Variants in C8orf76 observed in about 807,000 individuals in gnomAD.
The protein encoded by C8orf76 is chromosome 8 open reading frame 76.
In C8orf76, 46 loss-of-function variants were observed where a neutral mutation model predicts 38.1. The ratio of observed to expected loss-of-function variants is 1.21; its 90% confidence interval spans 0.95 to 1.54. The LOEUF is 1.54. Ranked by LOEUF, C8orf76 falls within the 40% of genes most tolerant of loss-of-function variation. The probability of loss-of-function intolerance (pLI) is 0.00; values close to 1 mark genes in which losing one functional copy is unlikely to be tolerated. For missense variants in C8orf76, 461 were observed against 441.6 expected (o/e 1.04, Z -0.39); for synonymous variants, 166 against 167.5 (o/e 0.99, Z 0.07).
intron 4 of C8orf76, among the ~76,000 whole-genome samples, chr8:123,227,152 C>T (rs1031602135): frequency 6.6e-6 from 1 of 152,162 alleles, no homozygotes. Flanking sequence ...TCTTTGATGA[C>T]CCTCTGACAA....
intron 5 of C8orf76, among the ~76,000 whole-genome samples, chr8:123,225,161 T>C (rs910162619): frequency 6.6e-6 from 1 of 152,062 alleles, no homozygotes; most frequent in Non-Finnish European, 1.5e-5. Context: ...GCCTGCCACC[T>C]CAACCGGCTA....
In C8orf76 at chr8:123,231,389, C is replaced by G. The variant is rs757911549; in HGVS notation, c.726G>C (p.Leu242=). The part of the protein sequence containing the change: ...SSNSQKNEKA[L]TNIQNCMAEK... ...CTGCCATACAGTTTTGGATATTTGT[C>G]AGAGCTTTCTCATTTTTCTGGCTAT... Residue 242 remains leucine, a synonymous_variant, in exon 4 of 6, where the codon CTG becomes CTC. Coordinates refer to ENST00000276704, the MANE Select transcript of C8orf76 (RefSeq NM_032847.3). The G allele has an allele frequency of 1.9e-6, 3 of 1,614,186 alleles. No homozygotes were observed. The South Asian group carries it at 3.3e-5, about 18-fold the overall frequency.
chr8:123,222,865 A>G (rs370139403), intron 5 of C8orf76, among the ~76,000 whole-genome samples: 133 of 152,350 alleles, frequency 8.7e-4, no homozygotes, highest in African/African-American at 3.1e-3. Flanking sequence ...GGATCAGGGT[A>G]GAAAAAACAA....
chr8:123,231,754 T>C lies in C8orf76; in HGVS notation c.361A>G (p.Asn121Asp). 3 of 1,561,486 alleles carry C rather than the reference T, an allele frequency of 1.9e-6. No homozygotes were observed. The highest frequency in any genetic ancestry group is 2.6e-6 in the Non-Finnish European group (3 of 1,163,582). The change falls in exon 4 of 6, where the codon AAT becomes GAT. Residue 121 changes from asparagine (N) to aspartate (D), a missense_variant. By Grantham distance (23) the Asn-to-Asp change is conservative. Transcript: ENST00000276704. ...EALEIAANLE[N>D]KATNTDHLTT... ...AAATGGTCTGTGTTGGTTGCTTTAT[T>C]TTCCTAAGGAGAAAAAAAAAAGGTT...
At chr8:123,230,937 C>T (rs1825239699) in intron 4 of C8orf76, among the ~76,000 whole-genome samples, 1 of 152,136 alleles carries the variant, frequency 6.6e-6, no homozygotes, top group African/African-American at 2.4e-5. Context: ...CGTGAGCCAC[C>T]GCGCCCGGCC....
chr8:123,237,959 A>C lies in C8orf76; in HGVS notation c.214-18T>G, dbSNP rs1825556381. 1.9e-6 allele frequency: 3 copies of C among 1,600,102 alleles called. No individual in the cohort carries two copies. The highest frequency in any genetic ancestry group is 1.7e-6 in the Non-Finnish European group (2 of 1,174,486). ...AGTGCTTTCTGGAAATTATTTGTTA[A>C]ATAAAGAAATGAAAGGAGGAAAACA... On this transcript the variant is annotated intron_variant, in intron 2 of 5. Transcript: ENST00000276704.
intron 3 of C8orf76, among the ~76,000 whole-genome samples, chr8:123,236,175 G>C (rs191418876): frequency 6.6e-6 from 1 of 152,298 alleles, no homozygotes; most frequent in Admixed American, 6.5e-5. Flanking sequence ...GCAAACAAAG[G>C]TTAGGGATTT....
intron 4 of C8orf76, among the ~76,000 whole-genome samples, chr8:123,230,334 T>C (rs913442060): frequency 2.6e-5 from 4 of 152,236 alleles, no homozygotes; most frequent in Non-Finnish European, 5.9e-5. Flanking sequence ...CAAGAGCTAA[T>C]TTTCTTCTTT....
In C8orf76 at chr8:123,236,938, C is replaced by T. The variant is rs185320402; in HGVS notation, c.357+860G>A. 2,704 of 1,474,286 alleles carry T rather than the reference C, an allele frequency of 1.8e-3. 9 individuals are homozygous for T. The highest frequency in any genetic ancestry group is 2.1e-3 in the Non-Finnish European group (2,183 of 1,055,576). 91.3% of individuals were successfully genotyped at this position (1,474,286 alleles called of 1,614,324 possible). On this transcript the variant is annotated intron_variant, in intron 3 of 5. Coordinates refer to ENST00000276704, the MANE Select transcript of C8orf76 (RefSeq NM_032847.3). ...ACGCCAAAATTCAGGACAAGGAGGG[C>T]ATCCCACCTGACCAGCAGCGTCTGA...
chr8:123,225,523 A>C lies in C8orf76; in HGVS notation c.948+977T>G, dbSNP rs183176805. Among the ~76,000 whole-genome samples, 206 of 152,346 alleles carry C rather than the reference A, an allele frequency of 1.4e-3. 2 individuals carry two copies. Among genetic ancestry groups the C allele is most frequent in the Non-Finnish European group, 2.2e-3 (151 of 68,030 alleles). ...AAGTAGAAAACAGAGAGGCCAAGGG[A>C]ATCTTTAGCATGCCATTACTTACGC... On this transcript the variant is annotated intron_variant, in intron 5 of 5. Coordinates refer to ENST00000276704, the MANE Select transcript of C8orf76 (RefSeq NM_032847.3).
At chr8:123,233,060 G>A (rs573621212) in intron 3 of C8orf76, among the ~76,000 whole-genome samples, 14 of 150,806 alleles carry the variant, frequency 9.3e-5, no homozygotes, top group Non-Finnish European at 1.5e-4. Context: ...CGCTCTCGTC[G>A]CCCAGGCTGG....
rs374694438 is a variant in C8orf76 at position 123,226,211 on chromosome 8, T to C, written c.948+289A>G. ...AAATGTAAGCATTCATTCATTCATT[T>C]ATTCAGCACTGAAACAAACAATTAT... On this transcript the variant is annotated intron_variant, in intron 5 of 5. Coordinates refer to ENST00000276704, the MANE Select transcript of C8orf76 (RefSeq NM_032847.3). The C allele has an allele frequency of 1.1e-5, 14 of 1,236,122 alleles. No individual in the cohort carries two copies. In the African/African-American group the frequency reaches 1.9e-4, roughly 17 times the overall value. The allele number at this position is 1,236,122 out of a possible 1,614,324, so 76.6% of individuals were successfully genotyped here.
intron 3 of C8orf76, among the ~76,000 whole-genome samples, chr8:123,235,372 A>G (rs898056539): frequency 6.6e-6 from 1 of 152,190 alleles, no homozygotes; most frequent in African/African-American, 2.4e-5. Flanking sequence ...AGGTCCCCCT[A>G]CAGAATGTGA....
chr8:123,234,633 G>A (rs1416076268), intron 3 of C8orf76, among the ~76,000 whole-genome samples: 1 of 152,126 alleles, frequency 6.6e-6, no homozygotes, highest in Non-Finnish European at 1.5e-5. Context: ...GCCAGATGTG[G>A]TGGCGGGCAC....
In C8orf76 at chr8:123,241,236, C is replaced by T; in HGVS notation, c.111G>A (p.Glu37=). ...PPASYCAKLC[E]PQWFYEETES... ...AGAGGCCCCAGCTTCTCACCTGCGG[C>T]TCGCAGAGCTTGGCGCAGTAGGACG... Residue 37 remains glutamate, a synonymous_variant, in exon 1 of 6, where the codon GAG becomes GAA. Transcript: ENST00000276704. 1 of 1,587,528 alleles carries T rather than the reference C, an allele frequency of 6.3e-7. No individual in the cohort carries two copies. The highest frequency in any genetic ancestry group is 8.5e-7 in the Non-Finnish European group (1 of 1,171,306).
chr8:123,241,135 G>T, intron 1 of C8orf76, 95 bp downstream of exon 1: 3 of 1,302,804 alleles, frequency 2.3e-6, no homozygotes, highest in Non-Finnish European at 3.0e-6. Context: ...CAGGGTTTGC[G>T]TTCGCGCGGA....
Position 123,236,970 on chromosome 8 carries a change from C to G in C8orf76, c.357+828G>C, listed in dbSNP as rs1193223478. On this transcript the variant is annotated intron_variant, in intron 3 of 5. Transcript: ENST00000276704. ...CCTGACCAGCAGCGTCTGATACTTGCGGGCAAACAGCTGGAGGATGGCCGC... is the reference window on the plus strand; with the variant it reads ...CCTGACCAGCAGCGTCTGATACTTGGGGGCAAACAGCTGGAGGATGGCCGC... The G allele has an allele frequency of 5.2e-6, 8 of 1,550,088 alleles. No homozygotes were observed. The South Asian group carries it at 5.6e-5, about 11-fold the overall frequency.
At chr8:123,234,527 G>A (rs1052948704) in intron 3 of C8orf76, among the ~76,000 whole-genome samples, 5 of 152,024 alleles carry the variant, frequency 3.3e-5, no homozygotes, top group East Asian at 3.9e-4. Flanking sequence ...CTAGTACTTC[G>A]GGAGGCTGAG....
At chr8:123,238,054 A>C in intron 2 of C8orf76, 113 bp from the exon 3 acceptor site, 1 of 1,196,438 alleles carries the variant, frequency 8.4e-7, no homozygotes. Context: ...ATAACTGACC[A>C]ATGAATTACA....
Sources: gnomAD v4.1 joint callset for allele counts (sites outside exome capture counted in the v4.1 genomes callset) on GRCh38, gnomAD v4.1.1 for gene constraint, MANE v1.5 for transcripts, NCBI Gene and HGNC (gene_info 2026-07-23, HGNC 2026-07-21) for gene names.